Variants in SYN2 observed in about 807,000 individuals in gnomAD.
SYN2 encodes the protein synapsin II.
Under a neutral mutation model 50.9 loss-of-function variants are expected in SYN2, and 19 were observed. That is an observed-to-expected ratio of 0.37 (90% confidence interval 0.26 to 0.55). The LOEUF (loss-of-function observed/expected upper bound fraction) is 0.55. Ranked by LOEUF, SYN2 falls within the 20% of genes least tolerant of loss-of-function variation. The probability of loss-of-function intolerance (pLI) is 0.81; values close to 1 mark genes in which losing one functional copy is unlikely to be tolerated. For synonymous variants in SYN2, 255 were observed against 224.9 expected, an observed-to-expected ratio of 1.13 and a Z score of -1.20; for missense variants, 587 against 576.4, an observed-to-expected ratio of 1.02 and a Z score of -0.19.
chr3:12,050,340 ATTTTTT>A (rs397877649), intron 1 of SYN2, among the ~76,000 whole-genome samples: 1 of 113,312 alleles, frequency 8.8e-6, no homozygotes, highest in Non-Finnish European at 1.9e-5. Flanking sequence ...GTTTGGAATG[ATTTTTT>A]TTTTTTTTTT....
chr3:12,132,484 G>A (rs937040666), intron 1 of SYN2, among the ~76,000 whole-genome samples: 2 of 152,220 alleles, frequency 1.3e-5, no homozygotes, highest in African/African-American at 4.8e-5. Flanking sequence ...GGTGATCTGA[G>A]ATGAGTGATT....
chr3:12,044,185 A>T (rs73013537), intron 1 of SYN2, among the ~76,000 whole-genome samples: 10,081 of 33,940 alleles, frequency 0.3, 400 homozygotes, highest in East Asian at 0.48. Context: ...TCTCTCTCAC[A>T]CACACACACA....
chr3:12,011,695 AGCCTTATG>A (rs1693914394), intron 1 of SYN2, among the ~76,000 whole-genome samples: 2 of 152,242 alleles, frequency 1.3e-5, no homozygotes, highest in Non-Finnish European at 2.9e-5. Flanking sequence ...CTCCACTGTT[AGCCTTATG>A]GCCTTATCAG....
At chr3:12,150,403 G>A (rs981780629) in intron 4 of SYN2, among the ~76,000 whole-genome samples, 13 of 152,222 alleles carry the variant, frequency 8.5e-5, no homozygotes, top group African/African-American at 3.1e-4. Context: ...TTATGGATTG[G>A]AAATGAAGGG....
At chr3:12,061,334 G>A (rs1251989311) in intron 1 of SYN2, among the ~76,000 whole-genome samples, 2 of 152,080 alleles carry the variant, frequency 1.3e-5, no homozygotes, top group Non-Finnish European at 2.9e-5. Flanking sequence ...TGCTTAAAAA[G>A]CCTCTGACAA....
At chr3:12,189,382 T>A (rs1698404942) in intron 12 of SYN2, among the ~76,000 whole-genome samples, 1 of 152,170 alleles carries the variant, frequency 6.6e-6, no homozygotes, top group Non-Finnish European at 1.5e-5. Flanking sequence ...ATTTTCTCAT[T>A]AGAAAACTCC....
intron 1 of SYN2, among the ~76,000 whole-genome samples, chr3:12,140,093 CT>C (rs1696979946): frequency 6.6e-6 from 1 of 152,174 alleles, no homozygotes; most frequent in South Asian, 2.1e-4. Context: ...TTCCCGCTAC[CT>C]TCTATTTTGG....
intron 1 of SYN2, among the ~76,000 whole-genome samples, chr3:12,084,978 A>G (rs1215375912): frequency 8.1e-6 from 1 of 123,088 alleles, no homozygotes; most frequent in East Asian, 2.5e-4. Context: ...AGAGGAACAA[A>G]GGGTCTACAA....
intron 1 of SYN2, among the ~76,000 whole-genome samples, chr3:12,111,340 T>C (rs1004668681): frequency 6.6e-6 from 1 of 152,228 alleles, no homozygotes; most frequent in Admixed American, 6.5e-5. Flanking sequence ...GCCTTTCTCC[T>C]GTATGAATTA....
intron 1 of SYN2, among the ~76,000 whole-genome samples, chr3:12,128,769 C>CA (rs1696726334): frequency 6.6e-6 from 1 of 152,060 alleles, no homozygotes; most frequent in South Asian, 2.1e-4. Flanking sequence ...TCAAAGAACT[C>CA]ACGCAGGAAA....
intron 1 of SYN2, among the ~76,000 whole-genome samples, chr3:12,074,224 T>A (rs1695422998): frequency 6.6e-6 from 1 of 152,184 alleles, no homozygotes; most frequent in South Asian, 2.1e-4. Flanking sequence ...TTTATGTATT[T>A]TAGGTGTATC....
intron 1 of SYN2, among the ~76,000 whole-genome samples, chr3:12,089,979 G>T (rs922593203): frequency 1.3e-5 from 2 of 152,146 alleles, no homozygotes; most frequent in Non-Finnish European, 2.9e-5. Context: ...AGTTAGATTA[G>T]AGAATTCAAT....
chr3:12,160,073 G>GA (rs1286802901), intron 5 of SYN2, among the ~76,000 whole-genome samples: 5 of 131,126 alleles, frequency 3.8e-5, no homozygotes, highest in East Asian at 2.4e-4. Flanking sequence ...AAAAGTAAAA[G>GA]AAAAAACAAA....
intron 1 of SYN2, among the ~76,000 whole-genome samples, chr3:12,035,079 A>G (rs926864153): frequency 6.6e-6 from 1 of 152,234 alleles, no homozygotes; most frequent in Non-Finnish European, 1.5e-5. Flanking sequence ...AGACGTTCCT[A>G]TTACAAAAGG....
In SYN2 at chr3:12,189,439, CA is replaced by C. The variant is rs532193707; in HGVS notation, c.1614-1050del. ...GATATATATCTCTTTTGCCACTGGA[CA>C]CCCTGAACCCCATAGACCTCATATT... On this transcript the variant is annotated intron_variant, in intron 12 of 12. Coordinates refer to ENST00000621198, the MANE Select transcript of SYN2 (RefSeq NM_133625.6). 4.6e-3 allele frequency among the ~76,000 whole-genome samples: 702 copies of C among 152,312 alleles called. 2 individuals carry two copies. The highest frequency in any genetic ancestry group is 0.016 in the African/African-American group (668 of 41,566).
At chr3:12,044,127 C>A (rs547133848) in intron 1 of SYN2, among the ~76,000 whole-genome samples, 1 of 150,002 alleles carries the variant, frequency 6.7e-6, no homozygotes, top group Admixed American at 6.7e-5. Flanking sequence ...TCCCCACTTT[C>A]CAGGTTCTAG....
intron 1 of SYN2, among the ~76,000 whole-genome samples, chr3:12,119,073 T>A (rs1696494277): frequency 6.6e-6 from 1 of 152,220 alleles, no homozygotes; most frequent in Non-Finnish European, 1.5e-5. Flanking sequence ...ACAAACTCCA[T>A]TTTTCCTGCT....
intron 1 of SYN2, among the ~76,000 whole-genome samples, chr3:12,067,633 A>G (rs1695244437): frequency 6.6e-6 from 1 of 151,088 alleles, no homozygotes; most frequent in Non-Finnish European, 1.5e-5. Context: ...AAAAAAAAGG[A>G]AAGAAAGAAA....
intron 1 of SYN2, among the ~76,000 whole-genome samples, chr3:12,083,871 G>A (rs1695633192): frequency 6.6e-6 from 1 of 152,130 alleles, no homozygotes; most frequent in Non-Finnish European, 1.5e-5. Context: ...CCCATATGCT[G>A]CCAGCACTCT....
Sources: allele counts gnomAD v4.1 joint callset (sites outside exome capture counted in the v4.1 genomes callset), GRCh38; gene constraint gnomAD v4.1.1; transcripts MANE v1.5; gene names NCBI Gene and HGNC (gene_info 2026-07-23, HGNC 2026-07-21).